The following MMD2 variants were observed in gnomAD, a reference collection of about 807,000 sequenced individuals.
MMD2 encodes the protein monocyte to macrophage differentiation associated 2.
In MMD2, 30 loss-of-function variants were observed where a neutral mutation model predicts 33.5. The ratio of observed to expected loss-of-function variants is 0.90; its 90% confidence interval spans 0.67 to 1.22. MMD2 has a LOEUF of 1.22. Ranked by LOEUF, MMD2 falls within the 50% of genes most tolerant of loss-of-function variation. The probability of loss-of-function intolerance (pLI) is 0.00; values close to 1 mark genes in which losing one functional copy is unlikely to be tolerated. For missense variants in MMD2, 364 were observed against 325.4 expected (o/e 1.12, Z -0.91); for synonymous variants, 129 against 123.0 (o/e 1.05, Z -0.32).
chr7:4,892,448 C>G, the MMD2 span, among the ~76,000 whole-genome samples: 1 of 151,412 alleles, frequency 6.6e-6, no homozygotes, highest in African/African-American at 2.4e-5. Flanking sequence ...ATTAGCTGGG[C>G]ATGGTGGTGG....
intron 2 of MMD2, 56 bp from the exon 3 acceptor site, chr7:4,920,387 C>T: frequency 6.5e-7 from 1 of 1,548,544 alleles, no homozygotes; most frequent in Non-Finnish European, 8.8e-7. Context: ...TCAGAGCACA[C>T]CTCCTGCCCC....
At chr7:4,932,106 C>T (rs1785604452) in intron 1 of MMD2, among the ~76,000 whole-genome samples, 1 of 152,212 alleles carries the variant, frequency 6.6e-6, no homozygotes, top group African/African-American at 2.4e-5. Context: ...CCAAGGGTGC[C>T]AGCCACATGG....
At position 4,909,967 on chromosome 7, in the gene MMD2, C is replaced by T. The variant is rs1474297556; in HGVS notation, c.468-17G>A. ...AGCTTGTACCTGGCAGGAAGACAAG[C>T]CGTGCCGGCCTTAGGACATGCCTCC... On this transcript the variant is annotated splice_polypyrimidine_tract_variant and intron_variant, in intron 5 of 6. Transcript: ENST00000401401. 2.1e-5 allele frequency: 34 copies of T among 1,613,828 alleles called. No individual in the cohort carries two copies. Among genetic ancestry groups the T allele is most frequent in the South Asian group, 3.3e-5 (3 of 91,092 alleles).
At chr7:4,899,359 A>G in the MMD2 span, among the ~76,000 whole-genome samples, 1 of 152,166 alleles carries the variant, frequency 6.6e-6, no homozygotes, top group Non-Finnish European at 1.5e-5. Context: ...GTCCCATTTC[A>G]GTAAACTACA....
chr7:4,901,269 C>T (rs190168132), downstream of MMD2, among the ~76,000 whole-genome samples: 192 of 151,992 alleles, frequency 1.3e-3, no homozygotes, highest in African/African-American at 4.4e-3. Context: ...GGTGAAATCA[C>T]GTCTCTACTA....
In MMD2 at chr7:4,943,011, T is replaced by C. The variant is rs1281929694; in HGVS notation, c.47+15960A>G. ...AGGAGGTCCTGCCCTTTTCTTTTTT[T>C]TTTTTTTTTTTTTTTTGAGACAGAG... is the stretch of plus-strand genomic sequence containing the variant. On this transcript the variant is annotated intron_variant, in intron 1 of 6. Transcript: ENST00000401401. Among the ~76,000 whole-genome samples the C allele has an allele frequency of 1.1e-4, 16 of 139,306 alleles. No individual in the cohort carries two copies. The South Asian group carries it at 2.0e-3, about 17-fold the overall frequency. 91.4% of individuals were successfully genotyped at this position (139,306 alleles called of 152,430 possible).
chr7:4,893,191 A>G, the MMD2 span, among the ~76,000 whole-genome samples: 1 of 151,942 alleles, frequency 6.6e-6, no homozygotes, highest in Non-Finnish European at 1.5e-5. Flanking sequence ...GGTACCAGAA[A>G]GGTCCGATCC....
At chr7:4,908,303 G>A (rs554117760) in intron 6 of MMD2, among the ~76,000 whole-genome samples, 11 of 151,378 alleles carry the variant, frequency 7.3e-5, no homozygotes, top group East Asian at 5.9e-4. Context: ...CACCATGCCC[G>A]GCTAATTTTT....
chr7:4,903,432 G>A (rs555747064), downstream of MMD2, among the ~76,000 whole-genome samples: 18 of 151,364 alleles, frequency 1.2e-4, no homozygotes, highest in South Asian at 3.1e-3. Context: ...ATTCTCCCTC[G>A]CGGAGCCTGA....
intron 1 of MMD2, among the ~76,000 whole-genome samples, chr7:4,926,779 C>T (rs1785439885): frequency 6.6e-6 from 1 of 151,700 alleles, no homozygotes; most frequent in Non-Finnish European, 1.5e-5. Flanking sequence ...GAGTCGTGCT[C>T]TGTCGCCCAG....
chr7:4,899,892 C>G, the MMD2 span, among the ~76,000 whole-genome samples: 1 of 152,154 alleles, frequency 6.6e-6, no homozygotes, highest in East Asian at 1.9e-4. Flanking sequence ...GCACCCTCCT[C>G]TTTTAACACT....
chr7:4,945,243 T>TTCTTC (rs759788839), intron 1 of MMD2, among the ~76,000 whole-genome samples: 8 of 144,822 alleles, frequency 5.5e-5, no homozygotes, highest in South Asian at 2.3e-4. Context: ...CTTCTTCCTC[T>TTCTTC]CTCTCTTTCT....
At chr7:4,901,972 C>T (rs560499376), downstream of MMD2, among the ~76,000 whole-genome samples, 4 of 152,160 alleles carry the variant, frequency 2.6e-5, no homozygotes, top group African/African-American at 7.2e-5. Context: ...CTTTTTTTGA[C>T]GTGGAATCTC....
chr7:4,906,715 G>C lies in MMD2; in HGVS notation c.*681C>G, dbSNP rs1011634325. On this transcript the variant is annotated 3_prime_UTR_variant, in exon 7 of 7. Coordinates refer to ENST00000401401, the MANE Select transcript of MMD2 (RefSeq NM_198403.4). ...AAGGGAGGGGGAGATGAGGAGATAG[G>C]CATGCAAATGCCCATTTGGAGATTT... 6 of 395,784 alleles carry C rather than the reference G, an allele frequency of 1.5e-5. No individual in the cohort carries two copies. Among genetic ancestry groups the C allele is most frequent in the African/African-American group, 1.2e-4 (6 of 48,584 alleles). The allele number at this position is 395,784 out of a possible 1,614,324, so 24.5% of individuals were successfully genotyped here. A position where few individuals can be genotyped will look rare whatever the true frequency, so the allele number is the denominator to read the frequency against.
intron 1 of MMD2, among the ~76,000 whole-genome samples, chr7:4,945,618 AGGC>A (rs2115150181): frequency 6.7e-6 from 1 of 150,034 alleles, no homozygotes; most frequent in Admixed American, 6.7e-5. Flanking sequence ...TCTGCCGCCC[AGGC>A]TGGCATGCAG....
chr7:4,897,445 G>T, the MMD2 span, among the ~76,000 whole-genome samples: 5 of 152,120 alleles, frequency 3.3e-5, no homozygotes, highest in African/African-American at 1.2e-4. Flanking sequence ...AAGTCATGCC[G>T]CAAACGCCAC....
chr7:4,927,545 A>C (rs1293797943), intron 1 of MMD2, among the ~76,000 whole-genome samples: 1 of 151,128 alleles, frequency 6.6e-6, no homozygotes, highest in Non-Finnish European at 1.5e-5. Flanking sequence ...CATTTCAAAA[A>C]TATATATATA....
At chr7:4,893,364 TTTTATTTATTTATTTATTTA>T in the MMD2 span, among the ~76,000 whole-genome samples, 1 of 142,978 alleles carries the variant, frequency 7.0e-6, no homozygotes, top group African/African-American at 2.6e-5. Context: ...TGGTTATTTC[TTTTATTTATTTATTTATTTA>T]TTTATTTATT....
At chr7:4,923,651 G>A (rs1004880199) in intron 2 of MMD2, among the ~76,000 whole-genome samples, 1 of 152,104 alleles carries the variant, frequency 6.6e-6, no homozygotes, top group African/African-American at 2.4e-5. Flanking sequence ...GTGTCGATGA[G>A]TTAGCTTGTG....
Sources: gnomAD v4.1 joint callset for allele counts (sites outside exome capture counted in the v4.1 genomes callset) on GRCh38, gnomAD v4.1.1 for gene constraint, MANE v1.5 for transcripts, NCBI Gene and HGNC (gene_info 2026-07-23, HGNC 2026-07-21) for gene names.